AGBL1: variants seen among roughly 807,000 people sequenced by gnomAD.
The protein encoded by AGBL1 is cytosolic carboxypeptidase 4.
In AGBL1, 130 loss-of-function variants were observed where a neutral mutation model predicts 118.9. The ratio of observed to expected loss-of-function variants is 1.09; its 90% CI spans 0.95 to 1.26. The LOEUF is 1.26. Among genes scored for constraint, AGBL1 ranks in the 50% most tolerant of loss-of-function variants. The probability of loss-of-function intolerance (pLI) is 0.00; values close to 1 mark genes in which losing one functional copy is unlikely to be tolerated. For missense variants in AGBL1, 1,584 were observed against 1,298.1 expected, an observed-to-expected ratio of 1.22 and a Z score of -3.38; for synonymous variants, 555 against 478.9, an observed-to-expected ratio of 1.16 and a Z score of -2.08.
chr15:86,362,977 C>T (rs2080829385), intron 17 of AGBL1, among the ~76,000 whole-genome samples: 1 of 152,192 alleles, frequency 6.6e-6, no homozygotes, highest in African/African-American at 2.4e-5. Context: ...ACAGGTGTGG[C>T]TTCTCCAGAG....
At position 86,297,848 on chromosome 15, in the gene AGBL1, C is replaced by T. The variant is rs76094465; in HGVS notation, c.2374+2440C>T. On this transcript the variant is annotated intron_variant, in intron 17 of 22. Coordinates refer to ENST00000614907, the MANE Select transcript of AGBL1 (RefSeq NM_001386094.1). ...AGACTCCACACACACAACAAACGTGCTGACTCCTTTGTTATAACACATGTT... is the reference window on the plus strand; with the variant it reads ...AGACTCCACACACACAACAAACGTGTTGACTCCTTTGTTATAACACATGTT... Among the ~76,000 whole-genome samples, 719 of 152,214 alleles carry T rather than the reference C, an allele frequency of 4.7e-3. 46 individuals are homozygous for T. The East Asian group carries it at 0.11, about 24-fold the overall frequency.
intron 24 of AGBL1, among the ~76,000 whole-genome samples, chr15:87,021,138 G>T (rs1395616079): frequency 1.3e-5 from 2 of 152,096 alleles, no homozygotes; most frequent in Non-Finnish European, 2.9e-5. Context: ...GCATGGTACT[G>T]GTAAAAGAAC....
intron 22 of AGBL1, among the ~76,000 whole-genome samples, chr15:86,862,025 C>A (rs1041296389): frequency 1.3e-5 from 2 of 152,162 alleles, no homozygotes; most frequent in Non-Finnish European, 1.5e-5. Context: ...ATCTTGCTCC[C>A]TGTTCCTTCT....
intron 6 of AGBL1, among the ~76,000 whole-genome samples, chr15:86,230,668 G>C (rs968471791): frequency 2.6e-5 from 4 of 152,152 alleles, no homozygotes; most frequent in African/African-American, 9.7e-5. Context: ...CACCTTCAAG[G>C]CTGTCTCATC....
At chr15:86,698,447 G>A (rs192497135) in intron 22 of AGBL1, among the ~76,000 whole-genome samples, 7 of 151,934 alleles carry the variant, frequency 4.6e-5, no homozygotes, top group South Asian at 2.1e-4. Flanking sequence ...CAATTTCCAC[G>A]TTCTTTCCCT....
chr15:86,468,283 C>T (rs1450547201), intron 18 of AGBL1, among the ~76,000 whole-genome samples: 5 of 152,164 alleles, frequency 3.3e-5, no homozygotes, highest in Non-Finnish European at 7.3e-5. Flanking sequence ...TTTAGGCAAA[C>T]TTTGCAAGGT....
At chr15:86,710,775 T>C (rs546655469) in intron 22 of AGBL1, among the ~76,000 whole-genome samples, 1 of 152,282 alleles carries the variant, frequency 6.6e-6, no homozygotes, top group East Asian at 1.9e-4. Flanking sequence ...TAGCAATTCT[T>C]TGGAATGGCT....
chr15:86,756,379 C>A (rs188545950), intron 22 of AGBL1, among the ~76,000 whole-genome samples: 2 of 151,852 alleles, frequency 1.3e-5, no homozygotes, highest in Admixed American at 6.6e-5. Context: ...AAGGAACTAC[C>A]ATGTGCTGGG....
chr15:86,270,196 G>T (rs1379523839), intron 14 of AGBL1, 129 bp downstream of exon 14: 2 of 1,271,678 alleles, frequency 1.6e-6, no homozygotes, highest in Non-Finnish European at 2.1e-6. Context: ...GGGTTGCCAG[G>T]TGCAGCAAGG....
intron 5 of AGBL1, among the ~76,000 whole-genome samples, chr15:86,159,300 T>C (rs1439001376): frequency 1.3e-5 from 2 of 152,188 alleles, no homozygotes; most frequent in African/African-American, 4.8e-5. Context: ...CCAAGGTCCC[T>C]GTGGTAGCAA....
chr15:86,450,181 C>T (rs892044292), intron 18 of AGBL1, among the ~76,000 whole-genome samples: 12 of 152,194 alleles, frequency 7.9e-5, no homozygotes, highest in African/African-American at 2.9e-4. Flanking sequence ...TCCCGTGATG[C>T]ATGGGGTCCA....
chr15:86,278,005 G>A (rs962489980), intron 15 of AGBL1, among the ~76,000 whole-genome samples: 14 of 152,160 alleles, frequency 9.2e-5, no homozygotes, highest in African/African-American at 3.4e-4. Flanking sequence ...ATGTTTGCAC[G>A]GAGGCTTTAC....
At chr15:86,213,042 GTCAA>G (rs1378684559) in intron 5 of AGBL1, among the ~76,000 whole-genome samples, 2 of 152,180 alleles carry the variant, frequency 1.3e-5, no homozygotes, top group Admixed American at 6.5e-5. Flanking sequence ...CATAAATCCT[GTCAA>G]TCAAGGAGTG....
intron 3 of AGBL1, among the ~76,000 whole-genome samples, chr15:86,150,884 C>T (rs975000157): frequency 3.9e-5 from 6 of 152,078 alleles, no homozygotes; most frequent in African/African-American, 1.2e-4. Flanking sequence ...ACTGGCAAAC[C>T]GAATCCAGCA....
At chr15:86,556,224 G>A in intron 21 of AGBL1, 2 of 1,612,218 alleles carry the variant, frequency 1.2e-6, no homozygotes, top group Non-Finnish European at 1.7e-6. Flanking sequence ...ACTGTGCAGT[G>A]TACACAGAGG....
At chr15:86,818,786 A>G (rs1474372489) in intron 22 of AGBL1, among the ~76,000 whole-genome samples, 1 of 152,160 alleles carries the variant, frequency 6.6e-6, no homozygotes, top group African/African-American at 2.4e-5. Context: ...ACCAGACACC[A>G]ATGGGTTCAA....
intron 23 of AGBL1, among the ~76,000 whole-genome samples, chr15:86,948,422 G>A (rs529012534): frequency 6.6e-6 from 1 of 152,252 alleles, no homozygotes; most frequent in African/African-American, 2.4e-5. Flanking sequence ...TAAATTAGAA[G>A]ATAAATATAA....
chr15:86,489,060 C>T (rs1486068646), intron 18 of AGBL1, among the ~76,000 whole-genome samples: 1 of 151,722 alleles, frequency 6.6e-6, no homozygotes, highest in Non-Finnish European at 1.5e-5. Flanking sequence ...GTCTTCATAG[C>T]AGAAGGGCTG....
intron 17 of AGBL1, among the ~76,000 whole-genome samples, chr15:86,379,906 G>A (rs1224494795): frequency 1.3e-5 from 2 of 152,190 alleles, no homozygotes; most frequent in Non-Finnish European, 2.9e-5. Flanking sequence ...TAACTTTTCA[G>A]AAAGATTCAT....
Sources: allele counts gnomAD v4.1 joint callset (sites outside exome capture counted in the v4.1 genomes callset), GRCh38; gene constraint gnomAD v4.1.1; transcripts MANE v1.5; gene names NCBI Gene and HGNC (gene_info 2026-07-23, HGNC 2026-07-21).